KAZN: variants seen among roughly 807,000 people sequenced by gnomAD.
KAZN encodes kazrin.
In KAZN, 40 loss-of-function variants were observed where a neutral mutation model predicts 87.4. That is an observed-to-expected ratio of 0.46 (90% CI 0.36 to 0.60). KAZN has a LOEUF of 0.60. Among genes scored for constraint, KAZN ranks in the 20% least tolerant of loss-of-function variants. The pLI is 0.00. For missense variants in KAZN, 898 were observed against 1,073.9 expected (o/e 0.84, Z 2.29); for synonymous variants, 466 against 458.3 (o/e 1.02, Z -0.22).
At chr1:14,227,919 G>A (rs1395140506) in intron 2 of KAZN, among the ~76,000 whole-genome samples, 1 of 152,104 alleles carries the variant, frequency 6.6e-6, no homozygotes, top group East Asian at 1.9e-4. Context: ...AGTTGTGTGA[G>A]ACTCAGGGTG....
chr1:14,132,026 G>A (rs1306014492), intron 1 of KAZN, among the ~76,000 whole-genome samples: 1 of 152,142 alleles, frequency 6.6e-6, no homozygotes, highest in Non-Finnish European at 1.5e-5. Flanking sequence ...TTGAGTACAA[G>A]CAGTTAATGT....
At chr1:14,809,249 G>A (rs940109459) in intron 1 of KAZN, among the ~76,000 whole-genome samples, 9 of 152,176 alleles carry the variant, frequency 5.9e-5, no homozygotes, top group Admixed American at 1.3e-4. Flanking sequence ...GTGTTGGGCC[G>A]GGAAGCGGTC....
intron 1 of KAZN, among the ~76,000 whole-genome samples, chr1:14,617,595 G>T (rs1678355669): frequency 6.6e-6 from 1 of 152,192 alleles, no homozygotes; most frequent in Non-Finnish European, 1.5e-5. Flanking sequence ...TAAAAATAAA[G>T]TGAGTAAATA....
At chr1:14,699,458 AC>A (rs1156558959) in intron 1 of KAZN, among the ~76,000 whole-genome samples, 6 of 152,354 alleles carry the variant, frequency 3.9e-5, no homozygotes, top group African/African-American at 1.4e-4. Context: ...CGCTGGGAAT[AC>A]GATGGTGAGT....
At chr1:14,427,932 T>C (rs1665830231) in intron 2 of KAZN, among the ~76,000 whole-genome samples, 1 of 152,216 alleles carries the variant, frequency 6.6e-6, no homozygotes, top group African/African-American at 2.4e-5. Flanking sequence ...AGAGTTCCAG[T>C]ATGGATTTCT....
At chr1:14,615,918 A>G (rs1029498359) in intron 1 of KAZN, among the ~76,000 whole-genome samples, 1 of 152,214 alleles carries the variant, frequency 6.6e-6, no homozygotes, top group Admixed American at 6.5e-5. Context: ...AAAATTTCTT[A>G]AAGGACAGGC....
chr1:13,959,809 G>T (rs1022062309), intron 1 of KAZN, among the ~76,000 whole-genome samples: 1 of 152,150 alleles, frequency 6.6e-6, no homozygotes, highest in Admixed American at 6.5e-5. Context: ...AGCTCCTTGT[G>T]CACAGGGCCT....
chr1:14,488,859 A>T (rs1014551290), intron 2 of KAZN, among the ~76,000 whole-genome samples: 29 of 152,036 alleles, frequency 1.9e-4, no homozygotes, highest in African/African-American at 6.5e-4. Context: ...CTGGCTTTCC[A>T]ATTTGGGGTC....
chr1:14,717,233 C>A (rs1429388931), intron 1 of KAZN, among the ~76,000 whole-genome samples: 1 of 151,902 alleles, frequency 6.6e-6, no homozygotes, highest in South Asian at 2.1e-4. Context: ...GTGTTCATCT[C>A]ATGTGTCCAT....
At chr1:14,067,633 TC>T (rs36017366) in intron 1 of KAZN, among the ~76,000 whole-genome samples, 13,475 of 151,754 alleles carry the variant, frequency 0.089, 878 homozygotes, top group African/African-American at 0.18. Flanking sequence ...CTTCTGTCTG[TC>T]CCCCCCCATA....
chr1:14,873,124 G>GTGGA (rs537106361), intron 1 of KAZN, among the ~76,000 whole-genome samples: 7 of 144,852 alleles, frequency 4.8e-5, no homozygotes, highest in South Asian at 2.3e-4. Context: ...GAATGGATGG[G>GTGGA]TGGATGGATG....
At chr1:13,915,498 C>T (rs1321210518) in intron 1 of KAZN, among the ~76,000 whole-genome samples, 5 of 152,172 alleles carry the variant, frequency 3.3e-5, no homozygotes, top group Admixed American at 1.3e-4. Context: ...ATAATATGGC[C>T]CTGGCAGATG....
intron 2 of KAZN, among the ~76,000 whole-genome samples, chr1:14,997,872 G>A (rs958798542): frequency 6.6e-6 from 1 of 152,186 alleles, no homozygotes; most frequent in African/African-American, 2.4e-5. Context: ...GTGGCTTTGG[G>A]CAAGTTGCTT....
At chr1:14,251,999 A>G (rs537538332) in intron 2 of KAZN, among the ~76,000 whole-genome samples, 98 of 152,170 alleles carry the variant, frequency 6.4e-4, no homozygotes, top group African/African-American at 2.3e-3. Context: ...AGATTCTCCA[A>G]ATGTTAGAAA....
chr1:13,981,573 G>C (rs550269606), intron 1 of KAZN, among the ~76,000 whole-genome samples: 2 of 152,196 alleles, frequency 1.3e-5, no homozygotes, highest in South Asian at 4.2e-4. Flanking sequence ...TGCAATTACA[G>C]AGCTCTGTCA....
At chr1:14,630,571 C>G (rs1201389716) in intron 1 of KAZN, among the ~76,000 whole-genome samples, 1 of 152,142 alleles carries the variant, frequency 6.6e-6, no homozygotes, top group Non-Finnish European at 1.5e-5. Context: ...TAGTAATGAC[C>G]TCTCCACCAA....
intron 2 of KAZN, among the ~76,000 whole-genome samples, chr1:14,366,525 C>G (rs1275764343): frequency 6.6e-6 from 1 of 152,206 alleles, no homozygotes; most frequent in Non-Finnish European, 1.5e-5. Flanking sequence ...GCTGCTTCGG[C>G]GCCAGCAGGG....
chr1:14,294,612 GTTC>G (rs1178478733), intron 2 of KAZN, among the ~76,000 whole-genome samples: 3 of 148,354 alleles, frequency 2.0e-5, no homozygotes, highest in Admixed American at 6.7e-5. Context: ...AGAGATGGGG[GTTC>G]TTCTTTCCAG....
chr1:15,035,618 T>C (rs1187918897), intron 3 of KAZN, among the ~76,000 whole-genome samples: 1 of 152,120 alleles, frequency 6.6e-6, no homozygotes, highest in African/African-American at 2.4e-5. Flanking sequence ...GAGACCCAGG[T>C]GGGTGGAATG....
Sources: gnomAD v4.1 joint callset for allele counts (sites outside exome capture counted in the v4.1 genomes callset) on GRCh38, gnomAD v4.1.1 for gene constraint, MANE v1.5 for transcripts, NCBI Gene and HGNC (gene_info 2026-07-23, HGNC 2026-07-21) for gene names.